PRUNE2: variants seen among roughly 807,000 people sequenced by gnomAD.
PRUNE2 encodes prune homolog 2 with BCH domain, also known as protein prune homolog 2.
Under a neutral mutation model 252.0 loss-of-function variants are expected in PRUNE2, and 164 were observed. That is an observed-to-expected ratio of 0.65 (90% CI 0.57 to 0.74). PRUNE2 has a LOEUF of 0.74. Among genes scored for constraint, PRUNE2 ranks in the 30% least tolerant of loss-of-function variants. PRUNE2 has a pLI of 0.00. For missense variants in PRUNE2, 3,495 were observed against 3,711.0 expected (o/e 0.94, Z 1.51); for synonymous variants, 1,292 against 1,350.2 (o/e 0.96, Z 0.94).
In PRUNE2 at chr9:76,708,673, G is replaced by A. The variant is rs771753580; in HGVS notation, c.3601C>T (p.Pro1201Ser). 6.2e-7 allele frequency: 1 copy of A among 1,613,918 alleles called. No homozygotes were observed. The highest frequency in any genetic ancestry group is 1.1e-5 in the South Asian group (1 of 91,078). ...ASDEHTKDSA[P>S]SEHHTLNEKS... ...TCATTCAATGTGTGATGTTCACTGGGAGCACTGTCCTTGGTATGCTCATCA... is the reference window on the plus strand; with the variant it reads ...TCATTCAATGTGTGATGTTCACTGGAAGCACTGTCCTTGGTATGCTCATCA... Residue 1201 changes from proline to serine, a missense_variant, in exon 8 of 19, where the codon CCC (proline) becomes TCC (serine). Pro to Ser is a moderately conservative substitution (Grantham distance 74). Coordinates refer to ENST00000376718, the MANE Select transcript of PRUNE2 (RefSeq NM_015225.3).
chr9:76,776,601 G>A (rs535890441), intron 6 of PRUNE2, among the ~76,000 whole-genome samples: 2 of 130,970 alleles, frequency 1.5e-5, no homozygotes, highest in African/African-American at 3.0e-5. Context: ...TGCAACATCC[G>A]CCTCCCGAGT....
At chr9:76,890,681 T>C (rs2062416430) in intron 1 of PRUNE2, among the ~76,000 whole-genome samples, 1 of 152,142 alleles carries the variant, frequency 6.6e-6, no homozygotes, top group South Asian at 2.1e-4. Flanking sequence ...TCCCTCGGCA[T>C]ATACCGAAGC....
chr9:76,827,541 T>A (rs2058417479), intron 4 of PRUNE2, among the ~76,000 whole-genome samples: 1 of 152,156 alleles, frequency 6.6e-6, no homozygotes. Flanking sequence ...ATGATTAAGC[T>A]CTCTAAAAAT....
At chr9:76,730,498 T>C (rs1275034457) in intron 6 of PRUNE2, among the ~76,000 whole-genome samples, 1 of 152,184 alleles carries the variant, frequency 6.6e-6, no homozygotes, top group Non-Finnish European at 1.5e-5. Context: ...TTCTACATGC[T>C]CCCAGGTGAT....
At chr9:76,731,108 A>G (rs1305681484) in intron 6 of PRUNE2, among the ~76,000 whole-genome samples, 1 of 152,126 alleles carries the variant, frequency 6.6e-6, no homozygotes, top group African/African-American at 2.4e-5. Context: ...CTCAGAAGAT[A>G]GCTTAATGAG....
intron 6 of PRUNE2, among the ~76,000 whole-genome samples, chr9:76,744,590 G>A (rs1168459227): frequency 1.3e-5 from 2 of 152,150 alleles, no homozygotes; most frequent in Non-Finnish European, 2.9e-5. Context: ...ATATGAACTT[G>A]CTGAGACTGT....
intron 9 of PRUNE2, among the ~76,000 whole-genome samples, chr9:76,676,076 C>CAAAAA (rs1564004532): frequency 4.7e-3 from 81 of 17,112 alleles, no homozygotes; most frequent in Non-Finnish European, 0.014. Context: ...AAAAAAAAAA[C>CAAAAA]CAAAAACAAA....
At chr9:76,845,317 G>T (rs1164165848) in intron 4 of PRUNE2, among the ~76,000 whole-genome samples, 1 of 152,102 alleles carries the variant, frequency 6.6e-6, no homozygotes, top group Non-Finnish European at 1.5e-5. Flanking sequence ...AAACTTCTTA[G>T]TTTACAAGAT....
chr9:76,821,319 A>G (rs2058027456), intron 6 of PRUNE2, among the ~76,000 whole-genome samples: 1 of 152,176 alleles, frequency 6.6e-6, no homozygotes, highest in Non-Finnish European at 1.5e-5. Flanking sequence ...ACAAAATAAG[A>G]TTGTGAGGAT....
chr9:76,779,006 T>C (rs1434568946), intron 6 of PRUNE2: 3 of 152,192 alleles, frequency 2.0e-5, no homozygotes, highest in African/African-American at 7.2e-5. Context: ...TCACTAGTCA[T>C]CTTAAATAAA....
Position 76,710,168 on chromosome 9 carries a change from T to C in PRUNE2, c.2106A>G (p.Val702=), listed in dbSNP as rs2046614186. Residue 702 remains valine, a synonymous_variant, in exon 8 of 19, where the codon GTA becomes GTG. Coordinates refer to ENST00000376718, the MANE Select transcript of PRUNE2 (RefSeq NM_015225.3). ...SSIDRRASDS[V]FQPKSLEFTK... ...TAAATTCGAGGCTCTTTGGTTGAAA[T>C]ACAGAATCTGAGGCTCTCCTATCAA... is the stretch of plus-strand genomic sequence containing the variant. 11 of 1,613,806 alleles carry C rather than the reference T, an allele frequency of 6.8e-6. No homozygotes were observed. Among genetic ancestry groups the C allele is most frequent in the Non-Finnish European group, 9.3e-6 (11 of 1,179,866 alleles).
Position 76,671,910 on chromosome 9 carries a change from C to T in PRUNE2, c.8277-16408G>A, listed in dbSNP as rs1423752370. 2.0e-5 allele frequency among the ~76,000 whole-genome samples: 3 copies of T among 152,064 alleles called. 1 individual carries two copies. In the East Asian group the frequency reaches 5.8e-4, roughly 29 times the overall value. On this transcript the variant is annotated intron_variant, in intron 9 of 18. Transcript: ENST00000376718. The stretch of plus-strand genomic sequence containing the variant: ...AAGAGCTCCTGAAGGAAGCACTAAA[C>T]ATGGAAAGGAACAACCAGTAGCAGC...
intron 9 of PRUNE2, among the ~76,000 whole-genome samples, chr9:76,698,129 C>T (rs549706077): frequency 2.0e-5 from 3 of 150,290 alleles, no homozygotes; most frequent in African/African-American, 7.3e-5. Context: ...TCACTGCAAC[C>T]TCCGCCTCCT....
chr9:76,786,018 G>T (rs2054936658), intron 6 of PRUNE2: 1 of 152,318 alleles, frequency 6.6e-6, no homozygotes, highest in Admixed American at 6.5e-5. Flanking sequence ...ATTGTTAGAA[G>T]CACCTCGCAT....
chr9:76,830,947 T>C (rs2058636532), intron 4 of PRUNE2, among the ~76,000 whole-genome samples: 1 of 136,422 alleles, frequency 7.3e-6, no homozygotes, highest in Admixed American at 7.3e-5. Context: ...TTTTTTTTTT[T>C]GAGACGGAGT....
chr9:76,644,842 T>G lies in PRUNE2; in HGVS notation c.8625A>C (p.Glu2875Asp). The G allele has an allele frequency of 1.2e-6, 2 of 1,613,912 alleles. No homozygotes were observed. The highest frequency in any genetic ancestry group is 1.7e-6 in the Non-Finnish European group (2 of 1,179,834). ...ESIPEYTAEE[E>D]REDNRLWRTV... is the part of the protein sequence containing the mutation. ...TCCTCCAAAGCCGGTTGTCCTCCCGTTCCTCTTCGGCCGTATATTCTGGAA... is the reference window on the plus strand; with the variant it reads ...TCCTCCAAAGCCGGTTGTCCTCCCGGTCCTCTTCGGCCGTATATTCTGGAA... Residue 2875 changes from glutamate (E) to aspartate (D), a missense_variant, in exon 12 of 19, where the codon GAA becomes GAC. By Grantham distance (45) the Glu-to-Asp change is conservative. Transcript: ENST00000376718.
chr9:76,708,460 C>G lies in PRUNE2; in HGVS notation c.3814G>C (p.Gly1272Arg), dbSNP rs1442306996. 5.6e-6 allele frequency: 9 copies of G among 1,613,898 alleles called. No individual in the cohort carries two copies. In the East Asian group the frequency reaches 2.0e-4, roughly 36 times the overall value. ...ATAAGTGCCTCTGATTCACTGGTTCCAGAGGCTGCTGGCGCATCTGGGGAA... is the reference window on the plus strand; with the variant it reads ...ATAAGTGCCTCTGATTCACTGGTTCGAGAGGCTGCTGGCGCATCTGGGGAA... The part of the protein sequence containing the change: ...THSPDAPAAS[G>R]TSESEALISH... Residue 1272 changes from glycine to arginine, a missense_variant, in exon 8 of 19, where the codon GGA (glycine) becomes CGA (arginine). Transcript: ENST00000376718.
At chr9:76,758,130 A>G (rs2051332152) in intron 6 of PRUNE2, among the ~76,000 whole-genome samples, 1 of 152,254 alleles carries the variant, frequency 6.6e-6, no homozygotes, top group Non-Finnish European at 1.5e-5. Context: ...TAAAACTAAT[A>G]GAGTAAAAGA....
chr9:76,792,838 C>T (rs1308378598), intron 6 of PRUNE2, among the ~76,000 whole-genome samples: 1 of 152,144 alleles, frequency 6.6e-6, no homozygotes, highest in Non-Finnish European at 1.5e-5. Context: ...TTAATGTAAA[C>T]ATATTTGTTT....
Sources: allele counts gnomAD v4.1 joint callset (sites outside exome capture counted in the v4.1 genomes callset), GRCh38; gene constraint gnomAD v4.1.1; transcripts MANE v1.5; gene names NCBI Gene and HGNC (gene_info 2026-07-23, HGNC 2026-07-21).